ZMYM2: variants seen among roughly 807,000 people sequenced by gnomAD.
The protein encoded by ZMYM2 is zinc finger MYM-type protein 2.
Under a neutral mutation model 162.8 loss-of-function variants are expected in ZMYM2, and 56 were observed. The observed-to-expected ratio is 0.34, with a 90% confidence interval of 0.28 to 0.43. The LOEUF is 0.43. ZMYM2 is among the 20% of genes least tolerant of loss of function. The pLI is 1.00. For synonymous variants in ZMYM2, 510 were observed against 541.6 expected, an observed-to-expected ratio of 0.94 and a Z score of 0.81; for missense variants, 1,275 against 1,621.8, an observed-to-expected ratio of 0.79 and a Z score of 3.67.
the ZMYM2 span, among the ~76,000 whole-genome samples, chr13:19,951,149 G>C: frequency 6.6e-6 from 1 of 152,186 alleles, no homozygotes; most frequent in African/African-American, 2.4e-5. Flanking sequence ...CTAAAGCTTA[G>C]ATGGAACTTG....
At chr13:19,936,167 T>C in the ZMYM2 span, among the ~76,000 whole-genome samples, 2 of 152,226 alleles carry the variant, frequency 1.3e-5, no homozygotes, top group African/African-American at 2.4e-5. Context: ...TCTATAATAC[T>C]ATTTTCTAAA....
chr13:20,019,502 T>C (rs750602101), intron 6 of ZMYM2, 45 bp from the exon 7 acceptor site: 23 of 1,464,018 alleles, frequency 1.6e-5, no homozygotes, highest in Non-Finnish European at 2.0e-5. Flanking sequence ...ATGTAGCAGC[T>C]ATTCTTTATG....
At position 20,079,332 on chromosome 13, in the gene ZMYM2, AAAAAAAAAAAAG is replaced by A. The variant is rs1402829650; in HGVS notation, c.3454-2683_3454-2672del. ...ACTCTGTCTCAAAAAAAAAAAAAAA[AAAAAAAAAAAAG>A]GATACTTAATGAATTCAAATCCCAT... On this transcript the variant is annotated intron_variant, in intron 21 of 24. Transcript: ENST00000610343. Among the ~76,000 whole-genome samples the A allele has an allele frequency of 7.0e-5, 10 of 142,992 alleles. No individual in the cohort carries two copies. In the East Asian group the frequency reaches 8.1e-4, roughly 12 times the overall value. 93.8% of individuals were successfully genotyped at this position (142,992 alleles called of 152,430 possible). A position where few individuals can be genotyped will look rare whatever the true frequency, so the allele number is the denominator to read the frequency against.
At chr13:19,903,150 C>T in the ZMYM2 span, among the ~76,000 whole-genome samples, 5 of 151,972 alleles carry the variant, frequency 3.3e-5, no homozygotes, top group African/African-American at 9.7e-5. Flanking sequence ...GAGTGAAACT[C>T]GGTCTCAACA....
At chr13:19,873,877 C>T in the ZMYM2 span, among the ~76,000 whole-genome samples, 1 of 152,310 alleles carries the variant, frequency 6.6e-6, no homozygotes, top group East Asian at 1.9e-4. Flanking sequence ...CCACACCCAA[C>T]CCCATGCCTG....
At chr13:19,886,908 C>T in the ZMYM2 span, among the ~76,000 whole-genome samples, 530 of 151,110 alleles carry the variant, frequency 3.5e-3, 2 homozygotes, top group South Asian at 0.026. Context: ...GTGATGTGCC[C>T]GCCTTCGCCT....
intron 16 of ZMYM2, among the ~76,000 whole-genome samples, chr13:20,060,506 C>A (rs1349779765): frequency 6.6e-6 from 1 of 152,030 alleles, no homozygotes; most frequent in Non-Finnish European, 1.5e-5. Context: ...TGGTGAAACC[C>A]CCTCTCTACT....
At position 19,981,790 on chromosome 13, in the gene ZMYM2, C is replaced by T. The variant is rs536686615; in HGVS notation, c.-10-11273C>T. ...TTGAGTTTTTCATCCCATTTGTTTT[C>T]ATCATGAAGATATCTTTCATATCTT... On this transcript the variant is annotated intron_variant, in intron 2 of 24. Transcript: ENST00000610343. Among the ~76,000 whole-genome samples the T allele has an allele frequency of 3.9e-5, 6 of 152,224 alleles. No individual in the cohort carries two copies. In the East Asian group the frequency reaches 1.2e-3, roughly 29 times the overall value.
the ZMYM2 span, among the ~76,000 whole-genome samples, chr13:19,948,004 A>G: frequency 2.1e-5 from 1 of 48,002 alleles, no homozygotes; most frequent in African/African-American, 4.0e-5. Flanking sequence ...TGTAAGTAAA[A>G]AAAAAAAAAA....
intron 21 of ZMYM2, chr13:20,070,278 C>G (rs561185047): frequency 1.0e-5 from 2 of 198,038 alleles, no homozygotes; most frequent in South Asian, 1.1e-4. Context: ...CTAGCCAGTT[C>G]GTTATCAATC....
At chr13:19,942,257 A>G in the ZMYM2 span, among the ~76,000 whole-genome samples, 2 of 151,830 alleles carry the variant, frequency 1.3e-5, no homozygotes, top group African/African-American at 4.8e-5. Context: ...CTGCAGAGTA[A>G]TATAGTAGGA....
the ZMYM2 span, among the ~76,000 whole-genome samples, chr13:19,894,350 T>G: frequency 6.7e-6 from 1 of 149,134 alleles, no homozygotes; most frequent in African/African-American, 2.5e-5. Context: ...GATATCTTGT[T>G]TTTTTTTTTT....
the ZMYM2 span, among the ~76,000 whole-genome samples, chr13:19,876,731 T>A: frequency 6.6e-6 from 1 of 152,204 alleles, no homozygotes; most frequent in Non-Finnish European, 1.5e-5. Flanking sequence ...TGTGTAACCA[T>A]CACCATCACC....
At chr13:20,026,508 A>T in intron 7 of ZMYM2, 104 bp from the exon 8 acceptor site, 1 of 1,140,956 alleles carries the variant, frequency 8.8e-7, no homozygotes, top group Non-Finnish European at 1.2e-6. Flanking sequence ...TTTAGAGATT[A>T]ACAGGATTGT....
the ZMYM2 span, among the ~76,000 whole-genome samples, chr13:19,906,536 A>T: frequency 3.9e-4 from 2 of 5,170 alleles, no homozygotes; most frequent in African/African-American, 5.0e-4. Flanking sequence ...ATATATATAT[A>T]TATTTTTTTT....
intron 12 of ZMYM2, among the ~76,000 whole-genome samples, chr13:20,043,351 C>T (rs952391141): frequency 6.6e-6 from 1 of 152,166 alleles, no homozygotes; most frequent in Non-Finnish European, 1.5e-5. Flanking sequence ...AGCAGTGCAG[C>T]GTGATGGGGT....
At chr13:20,045,479 G>A (rs4769082) in intron 12 of ZMYM2, among the ~76,000 whole-genome samples, 126,586 of 152,188 alleles carry the variant, frequency 0.83, 53,880 homozygotes, top group Non-Finnish European at 0.92. Flanking sequence ...ACTCTAAAAC[G>A]TGTTTATTTC....
the ZMYM2 span, among the ~76,000 whole-genome samples, chr13:19,870,669 G>C: frequency 6.6e-6 from 1 of 150,832 alleles, no homozygotes. Context: ...CAGTGGCACA[G>C]TGCACAGATC....
chr13:19,955,656 C>G (rs1485680475), upstream of ZMYM2, among the ~76,000 whole-genome samples: 2 of 152,014 alleles, frequency 1.3e-5, no homozygotes, highest in African/African-American at 2.4e-5. Context: ...GAGTCTTGCT[C>G]TGTTGCCCAG....
Sources: allele counts gnomAD v4.1 joint callset (sites outside exome capture counted in the v4.1 genomes callset), GRCh38; gene constraint gnomAD v4.1.1; transcripts MANE v1.5; gene names NCBI Gene and HGNC (gene_info 2026-07-23, HGNC 2026-07-21).